Variants in KSR1 observed in about 807,000 individuals in gnomAD.
KSR1 encodes the protein kinase suppressor of ras 1.
KSR1 carries 35 observed loss-of-function variants against 92.9 expected under a neutral mutation model. The ratio of observed to expected loss-of-function variants is 0.38; its 90% confidence interval spans 0.29 to 0.50. KSR1 has a LOEUF of 0.50. KSR1 is among the 20% of genes least tolerant of loss of function. The pLI is 0.94. For synonymous variants in KSR1, 467 were observed against 472.6 expected, an observed-to-expected ratio of 0.99 and a Z score of 0.15; for missense variants, 972 against 1,158.5, an observed-to-expected ratio of 0.84 and a Z score of 2.34.
chr17:27,591,010 G>A (rs2073149404), intron 7 of KSR1, 116 bp downstream of exon 7: 1 of 863,016 alleles, frequency 1.2e-6, no homozygotes, highest in Middle Eastern at 2.3e-4. Flanking sequence ...GAGTGATCAG[G>A]TCTCTTCAGG....
intron 1 of KSR1, among the ~76,000 whole-genome samples, chr17:27,521,405 G>A (rs2070027009): frequency 1.3e-5 from 2 of 149,560 alleles, no homozygotes; most frequent in South Asian, 4.2e-4. Flanking sequence ...GCTCACTGGA[G>A]CCCCGACTTC....
At chr17:27,556,268 G>A (rs1226879095) in intron 2 of KSR1, among the ~76,000 whole-genome samples, 1 of 152,114 alleles carries the variant, frequency 6.6e-6, no homozygotes, top group East Asian at 1.9e-4. Flanking sequence ...AGGCTGGAGT[G>A]CAGTGATGCG....
intron 6 of KSR1, among the ~76,000 whole-genome samples, chr17:27,590,454 A>G (rs184488753): frequency 3.2e-4 from 48 of 152,310 alleles, no homozygotes; most frequent in Admixed American, 2.6e-3. Flanking sequence ...TACCTTGTCC[A>G]TATATCTTGC....
intron 1 of KSR1, among the ~76,000 whole-genome samples, chr17:27,472,894 T>G (rs1359487160): frequency 6.6e-6 from 1 of 152,176 alleles, no homozygotes; most frequent in African/African-American, 2.4e-5. Context: ...CTCCCACAGT[T>G]ATGGCTAATG....
At chr17:27,596,615 G>A (rs538821457) in intron 9 of KSR1, among the ~76,000 whole-genome samples, 12 of 152,230 alleles carry the variant, frequency 7.9e-5, no homozygotes, top group African/African-American at 2.4e-4. Context: ...ATGGCAGACC[G>A]CACTAGCCCA....
chr17:27,499,602 A>T (rs1427785901), intron 1 of KSR1, among the ~76,000 whole-genome samples: 1 of 152,170 alleles, frequency 6.6e-6, no homozygotes, highest in Non-Finnish European at 1.5e-5. Flanking sequence ...TTTCAGAACA[A>T]GGTGTGCCAG....
intron 12 of KSR1, 34 bp from the exon 13 acceptor site, chr17:27,604,646 C>A: frequency 1.9e-6 from 3 of 1,609,546 alleles, no homozygotes; most frequent in Non-Finnish European, 2.6e-6. Flanking sequence ...CGGTGTTCCT[C>A]AAGGTCTCCT....
rs1388495013 is a variant in KSR1, at chr17:27,583,025, G to T, written c.900G>T (p.Leu300=). 2 of 1,608,770 alleles carry T rather than the reference G, an allele frequency of 1.2e-6. No individual in the cohort carries two copies. The highest frequency in any genetic ancestry group is 4.5e-5 in the East Asian group (2 of 44,682). ...CCAGCCGCAAGGTCTTCCAGCTGCT[G>T]CCCAGCTTCCCCACACTCACCCGGA... ...PPPSRKVFQL[L]PSFPTLTRSK... is the part of the protein sequence containing the mutation. Residue 300 remains leucine, a synonymous_variant, in exon 4 of 21, where the codon CTG becomes CTT. Transcript: ENST00000644974.
chr17:27,501,279 A>AT (rs1555570836), intron 1 of KSR1, among the ~76,000 whole-genome samples: 5 of 70,348 alleles, frequency 7.1e-5, no homozygotes, highest in East Asian at 4.0e-4. Context: ...TTTTTTTTTT[A>AT]ATTTCTTTTC....
intron 1 of KSR1, among the ~76,000 whole-genome samples, chr17:27,511,523 G>C (rs181692741): frequency 6.6e-5 from 10 of 152,338 alleles, no homozygotes; most frequent in African/African-American, 2.4e-4. Flanking sequence ...CTCTGGAGCA[G>C]TTAGACCCCA....
chr17:27,526,117 TCATGG>T, intron 1 of KSR1, among the ~76,000 whole-genome samples: 1 of 148,898 alleles, frequency 6.7e-6, no homozygotes, highest in Non-Finnish European at 1.5e-5. Context: ...TCTCTCTCTC[TCATGG>T]TTCTTGTATG....
intron 18 of KSR1, chr17:27,612,832 T>C (rs541746048): frequency 6.6e-6 from 1 of 152,320 alleles, no homozygotes; most frequent in African/African-American, 2.4e-5. Flanking sequence ...GTCATGAACA[T>C]TGCTGGCAGG....
At chr17:27,480,458 T>C (rs766220186) in intron 1 of KSR1, among the ~76,000 whole-genome samples, 5 of 152,046 alleles carry the variant, frequency 3.3e-5, no homozygotes, top group Admixed American at 6.6e-5. Context: ...AGTGCAGTGG[T>C]GCGATCTTGG....
At chr17:27,520,868 C>G (rs568484441) in intron 1 of KSR1, among the ~76,000 whole-genome samples, 1 of 152,234 alleles carries the variant, frequency 6.6e-6, no homozygotes, top group Admixed American at 6.5e-5. Context: ...CTGGAGGATG[C>G]GGGAGACGTG....
chr17:27,574,044 T>TATC (rs2072411467), intron 2 of KSR1, among the ~76,000 whole-genome samples: 1 of 152,216 alleles, frequency 6.6e-6, no homozygotes, highest in Admixed American at 6.5e-5. Flanking sequence ...TAAACATCTC[T>TATC]ATCATCATCT....
intron 1 of KSR1, among the ~76,000 whole-genome samples, chr17:27,536,314 C>T (rs961216222): frequency 2.6e-5 from 4 of 152,102 alleles, no homozygotes; most frequent in Admixed American, 1.3e-4. Flanking sequence ...TAAAGTATGC[C>T]GGTATGCCAG....
chr17:27,578,858 A>G (rs1436189382), intron 3 of KSR1: 1 of 152,208 alleles, frequency 6.6e-6, no homozygotes, highest in Non-Finnish European at 1.5e-5. Flanking sequence ...TGACACACAT[A>G]TTGTGGCCAC....
intron 1 of KSR1, among the ~76,000 whole-genome samples, chr17:27,487,724 G>A (rs929623064): frequency 1.3e-5 from 2 of 152,072 alleles, no homozygotes; most frequent in Non-Finnish European, 1.5e-5. Flanking sequence ...GTATAGTGGA[G>A]CATCTGCTTC....
At chr17:27,470,870 CT>C (rs35823501) in intron 1 of KSR1, among the ~76,000 whole-genome samples, 61,208 of 148,584 alleles carry the variant, frequency 0.41, 13,063 homozygotes, top group African/African-American at 0.54. Context: ...CATTCAGTGA[CT>C]TTTTTTTTTT....
Sources: allele counts gnomAD v4.1 joint callset (sites outside exome capture counted in the v4.1 genomes callset), GRCh38; gene constraint gnomAD v4.1.1; transcripts MANE v1.5; gene names NCBI Gene and HGNC (gene_info 2026-07-23, HGNC 2026-07-21).